TARDBP: variants seen among roughly 807,000 people sequenced by gnomAD.
TARDBP encodes the protein TAR DNA binding protein.
In TARDBP, 4 loss-of-function variants were observed where a neutral mutation model predicts 38.3. That is an observed-to-expected ratio of 0.10 (90% CI 0.05 to 0.24). The LOEUF (loss-of-function observed/expected upper bound fraction) is 0.24. Among genes scored for constraint, TARDBP ranks in the 10% least tolerant of loss-of-function variants. The pLI, the probability that TARDBP is intolerant of heterozygous loss-of-function variation, is 1.00. For missense variants in TARDBP, 202 were observed against 521.9 expected (o/e 0.39, Z 5.97); for synonymous variants, 184 against 183.8 (o/e 1.00, Z -0.01).
chr1:11,022,913 A>T lies in TARDBP; in HGVS notation c.*259A>T. Reference sequence around the variant, plus strand: ...TGCTGTTTGCCTGATTGGTAAACCAACACACTACAATTGATATCAAAAGGT... The same window carrying T: ...TGCTGTTTGCCTGATTGGTAAACCATCACACTACAATTGATATCAAAAGGT... On this transcript the variant is annotated 3_prime_UTR_variant, in exon 6 of 6. Coordinates refer to ENST00000240185, the MANE Select transcript of TARDBP (RefSeq NM_007375.4). This position sits in a 1 kb window ranked among gnomAD's most constrained non-coding sequence, Gnocchi z 4.5. The T allele has an allele frequency of 7.3e-7, 1 of 1,367,006 alleles. No individual in the cohort carries two copies. Among genetic ancestry groups the T allele is most frequent in the South Asian group, 2.0e-5 (1 of 50,990 alleles). 84.7% of individuals were successfully genotyped at this position (1,367,006 alleles called of 1,614,324 possible). A position where few individuals can be genotyped will look rare whatever the true frequency, so the allele number is the denominator to read the frequency against.
At chr1:11,017,150 C>A in intron 3 of TARDBP, 143 bp downstream of exon 3, 2 of 893,100 alleles carry the variant, frequency 2.2e-6, no homozygotes, top group Non-Finnish European at 3.6e-6. Flanking sequence ...GTCCTCCTGC[C>A]TCGACCCCAA....
chr1:11,023,003 C>A lies in TARDBP; in HGVS notation c.*349C>A. The A allele has an allele frequency of 7.1e-7, 1 of 1,404,704 alleles. No homozygotes were observed. The allele number at this position is 1,404,704 out of a possible 1,614,324, so 87.0% of individuals were successfully genotyped here. On this transcript the variant is annotated 3_prime_UTR_variant, in exon 6 of 6. Coordinates refer to ENST00000240185, the MANE Select transcript of TARDBP (RefSeq NM_007375.4). ...TTCTTTGCATGTTCAAAACGGAAAC[C>A]ATTGATTAGAACTACATTCTTTACC...
intron 4 of TARDBP, among the ~76,000 whole-genome samples, chr1:11,019,582 T>TGA (rs558420213): frequency 2.0e-5 from 3 of 152,012 alleles, no homozygotes; most frequent in Non-Finnish European, 4.4e-5. Flanking sequence ...TTTTTTTTTT[T>TGA]GAGAGAGAGA....
Position 11,022,621 on chromosome 1 carries a change from C to T in TARDBP, c.1212C>T (p.Ser404=). The T allele has an allele frequency of 6.2e-7, 1 of 1,605,204 alleles. No individual in the cohort carries two copies. Among genetic ancestry groups the T allele is most frequent in the Non-Finnish European group, 8.5e-7 (1 of 1,175,256 alleles). The change falls in exon 6 of 6, where the codon AGC becomes AGT. Residue 404 remains serine, a synonymous_variant. Transcript: ENST00000240185. This position sits in a 1 kb window ranked among gnomAD's most constrained non-coding sequence, Gnocchi z 4.5. ...GTTTTAATGGAGGCTTTGGCTCAAGCATGGATTCTAAGTCTTCTGGCTGGG... is the reference window on the plus strand; with the variant it reads ...GTTTTAATGGAGGCTTTGGCTCAAGTATGGATTCTAAGTCTTCTGGCTGGG... The part of the protein sequence containing the change: ...GSGFNGGFGS[S]MDSKSSGWGM
downstream of TARDBP, among the ~76,000 whole-genome samples, chr1:11,027,859 C>T (rs1643765961): frequency 6.6e-6 from 1 of 152,204 alleles, no homozygotes; most frequent in South Asian, 2.1e-4. Flanking sequence ...CTTAGCTCCT[C>T]AGAAAATGAG....
intron 4 of TARDBP, among the ~76,000 whole-genome samples, chr1:11,019,953 T>C (rs1193193662): frequency 2.6e-5 from 4 of 151,030 alleles, no homozygotes; most frequent in Non-Finnish European, 5.9e-5. Context: ...CAACCTCCTC[T>C]TCCGGGTTCA....
At chr1:11,027,289 G>C (rs1643753415), downstream of TARDBP, 1 of 1,613,828 alleles carries the variant, frequency 6.2e-7, no homozygotes, top group South Asian at 1.1e-5. Context: ...TTTCTTGGCA[G>C]ACAAATAGGC....
downstream of TARDBP, chr1:11,029,956 T>C (rs1483583376): frequency 2.4e-5 from 10 of 417,200 alleles, no homozygotes; most frequent in African/African-American, 4.2e-5. Flanking sequence ...TGCCTAGTTA[T>C]AAGGTCAAAG....
downstream of TARDBP, chr1:11,027,137 T>C: frequency 6.2e-7 from 1 of 1,613,234 alleles, no homozygotes; most frequent in Non-Finnish European, 8.5e-7. Context: ...AGGGTGGCTT[T>C]TCATATGCAG....
At chr1:11,030,145 T>A (rs1234738034), downstream of TARDBP, 1 of 1,522,856 alleles carries the variant, frequency 6.6e-7, no homozygotes, top group Middle Eastern at 1.7e-4. Context: ...TTCCATCAAT[T>A]ACCAGTCTCT....
At chr1:11,016,604 C>A (rs1643530225) in intron 2 of TARDBP, among the ~76,000 whole-genome samples, 1 of 152,172 alleles carries the variant, frequency 6.6e-6, no homozygotes, top group Non-Finnish European at 1.5e-5. Flanking sequence ...AGATTGTAAT[C>A]CGGAAATGCT....
downstream of TARDBP, among the ~76,000 whole-genome samples, chr1:11,028,548 T>TA (rs1643778453): frequency 6.6e-6 from 1 of 152,172 alleles, no homozygotes; most frequent in African/African-American, 2.4e-5. Flanking sequence ...GCAAATTAAA[T>TA]ACGCCCATTA....
chr1:11,020,371 T>C, intron 4 of TARDBP, 58 bp from the exon 5 acceptor site: 4 of 1,605,008 alleles, frequency 2.5e-6, no homozygotes, highest in Non-Finnish European at 2.6e-6. Context: ...TACCTTAATG[T>C]TTTTTTCATT....
At chr1:11,028,630 A>G (rs1308784228), downstream of TARDBP, among the ~76,000 whole-genome samples, 3 of 152,132 alleles carry the variant, frequency 2.0e-5, no homozygotes, top group African/African-American at 4.8e-5. Flanking sequence ...TTAGCCAAAT[A>G]CAGGTTTAAA....
intron 2 of TARDBP, among the ~76,000 whole-genome samples, 169 bp downstream of exon 2, chr1:11,014,134 CTG>C (rs1643468881): frequency 1.3e-5 from 2 of 152,214 alleles, no homozygotes; most frequent in South Asian, 4.1e-4. Context: ...TTTATGGAAA[CTG>C]GGGATTGTAG....
intron 4 of TARDBP, 121 bp from the exon 5 acceptor site, chr1:11,020,308 C>A: frequency 8.4e-7 from 1 of 1,189,052 alleles, no homozygotes; most frequent in Non-Finnish European, 1.2e-6. Context: ...AAGGGTACGT[C>A]TACTTTTTAA....
At chr1:11,015,968 G>T (rs375121322) in intron 2 of TARDBP, among the ~76,000 whole-genome samples, 66 of 142,394 alleles carry the variant, frequency 4.6e-4, no homozygotes, top group Middle Eastern at 8.7e-3. Flanking sequence ...ACGAAGTCTC[G>T]CCCTTGTCGC....
At chr1:11,028,051 GTC>G (rs1557665066), downstream of TARDBP, among the ~76,000 whole-genome samples, 1 of 152,016 alleles carries the variant, frequency 6.6e-6, no homozygotes, top group Non-Finnish European at 1.5e-5. Context: ...GTGAGACCCT[GTC>G]TCTACTACAT....
chr1:11,015,962 A>T (rs1643515348), intron 2 of TARDBP, among the ~76,000 whole-genome samples: 2 of 141,238 alleles, frequency 1.4e-5, no homozygotes, highest in Non-Finnish European at 3.1e-5. Flanking sequence ...TTTTAGACGA[A>T]GTCTCGCCCT....
Sources: allele counts gnomAD v4.1 joint callset (sites outside exome capture counted in the v4.1 genomes callset), GRCh38; gene constraint gnomAD v4.1.1; non-coding constraint Gnocchi (gnomAD v3.1); transcripts MANE v1.5; gene names NCBI Gene and HGNC (gene_info 2026-07-23, HGNC 2026-07-21).